MMD2: variants seen among roughly 807,000 people sequenced by gnomAD.
MMD2 encodes monocyte to macrophage differentiation associated 2.
A neutral mutation model predicts 33.5 loss-of-function variants in MMD2; 30 were observed. That is an observed-to-expected ratio of 0.90 (90% confidence interval 0.67 to 1.22). The LOEUF is 1.22. Ranked by LOEUF, MMD2 falls within the 50% of genes most tolerant of loss-of-function variation. MMD2 has a pLI of 0.00. For synonymous variants in MMD2, 129 were observed against 123.0 expected (o/e 1.05, Z -0.32); for missense variants, 364 against 325.4 (o/e 1.12, Z -0.91).
At chr7:4,925,611 T>A in intron 1 of MMD2, 79 bp from the exon 2 acceptor site, 1 of 1,057,900 alleles carries the variant, frequency 9.5e-7, no homozygotes. Context: ...CTGAAGACCT[T>A]ACTTCCTACT....
chr7:4,957,859 C>A, intron 1 of MMD2, among the ~76,000 whole-genome samples: 1 of 152,310 alleles, frequency 6.6e-6, no homozygotes, highest in Non-Finnish European at 1.5e-5. Context: ...CGCCAGCCTT[C>A]CCTACCCTGG....
At chr7:4,938,419 T>G (rs567565088) in intron 1 of MMD2, among the ~76,000 whole-genome samples, 1 of 152,066 alleles carries the variant, frequency 6.6e-6, no homozygotes, top group Non-Finnish European at 1.5e-5. Flanking sequence ...CGAGGCAGTG[T>G]GGGGCATCCC....
chr7:4,911,932 C>T (rs1785024934), intron 4 of MMD2, among the ~76,000 whole-genome samples: 1 of 151,934 alleles, frequency 6.6e-6, no homozygotes, highest in Admixed American at 6.6e-5. Flanking sequence ...CAGGCCTGAG[C>T]CACCGCGCCC....
intron 1 of MMD2, among the ~76,000 whole-genome samples, chr7:4,927,162 A>G (rs1289516500): frequency 6.6e-6 from 1 of 152,176 alleles, no homozygotes; most frequent in Non-Finnish European, 1.5e-5. Flanking sequence ...AACTCGGCCC[A>G]TGAACTTTTT....
At chr7:4,900,386 A>AGG in the MMD2 span, among the ~76,000 whole-genome samples, 1,608 of 152,262 alleles carry the variant, frequency 0.011, 20 homozygotes, top group African/African-American at 0.036. Context: ...ACTGGTAAAA[A>AGG]GGGATGGTGT....
rs758330207 is a variant in MMD2 at position 4,918,519 on chromosome 7, C to G, written c.290+1652G>C. 1.2e-4 allele frequency among the ~76,000 whole-genome samples: 18 copies of G among 144,564 alleles called. 1 individual carries two copies. The highest frequency in any genetic ancestry group is 1.2e-3 in the Admixed American group (17 of 14,250). 94.8% of individuals were successfully genotyped at this position (144,564 alleles called of 152,430 possible). On this transcript the variant is annotated intron_variant, in intron 3 of 6. Coordinates refer to ENST00000401401, the MANE Select transcript of MMD2 (RefSeq NM_198403.4). ...TTTTTTTTGAGACAGATTCTCACTC[C>G]GTTGCCTTAGCTGGAGTGCAGTGGC...
chr7:4,902,037 T>A (rs1187801411), downstream of MMD2, among the ~76,000 whole-genome samples: 1 of 152,192 alleles, frequency 6.6e-6, no homozygotes, highest in Non-Finnish European at 1.5e-5. Flanking sequence ...TTGCAACCTC[T>A]GCCTCCCAGG....
chr7:4,924,548 G>C (rs1305806088), intron 2 of MMD2, among the ~76,000 whole-genome samples: 2 of 152,216 alleles, frequency 1.3e-5, no homozygotes, highest in African/African-American at 4.8e-5. Context: ...GGAACTGTTT[G>C]CTGAATGAAT....
chr7:4,901,982 C>A (rs1228270895), downstream of MMD2, among the ~76,000 whole-genome samples: 1 of 152,082 alleles, frequency 6.6e-6, no homozygotes. Context: ...CGTGGAATCT[C>A]GCTCTGTCAC....
chr7:4,914,187 G>A (rs1295325048), intron 4 of MMD2, among the ~76,000 whole-genome samples: 1 of 152,114 alleles, frequency 6.6e-6, no homozygotes, highest in Non-Finnish European at 1.5e-5. Flanking sequence ...GGTATTCTTG[G>A]ACTTCTTTCA....
chr7:4,957,651 GA>G (rs35465709), intron 1 of MMD2, among the ~76,000 whole-genome samples: 72 of 143,652 alleles, frequency 5.0e-4, no homozygotes, highest in Middle Eastern at 3.6e-3. Flanking sequence ...CTCCATCTCA[GA>G]AAAAAAAAAA....
At chr7:4,911,638 T>G (rs1785011905) in intron 4 of MMD2, among the ~76,000 whole-genome samples, 1 of 151,390 alleles carries the variant, frequency 6.6e-6, no homozygotes, top group Admixed American at 6.6e-5. Flanking sequence ...TTTATTTATT[T>G]TATTTTATTT....
chr7:4,894,916 C>G, the MMD2 span, among the ~76,000 whole-genome samples: 1 of 152,004 alleles, frequency 6.6e-6, no homozygotes, highest in African/African-American at 2.4e-5. This position sits in a 1 kb window ranked among gnomAD's most constrained non-coding sequence, Gnocchi z 4.3. Context: ...TCTCAGCCAT[C>G]CATGGGGAAT....
downstream of MMD2, among the ~76,000 whole-genome samples, chr7:4,903,393 C>G (rs1187709070): frequency 6.6e-6 from 1 of 152,110 alleles, no homozygotes; most frequent in Non-Finnish European, 1.5e-5. Flanking sequence ...ATCTGCATCC[C>G]CCTCCCCACC....
At chr7:4,933,369 C>A (rs149945716) in intron 1 of MMD2, among the ~76,000 whole-genome samples, 1 of 152,096 alleles carries the variant, frequency 6.6e-6, no homozygotes, top group Non-Finnish European at 1.5e-5. Flanking sequence ...CAAAATAAAA[C>A]AAAATGTATT....
Position 4,907,943 on chromosome 7 carries a change from A to G in MMD2, c.538-344T>C, listed in dbSNP as rs1784905130. 2.6e-5 allele frequency among the ~76,000 whole-genome samples: 4 copies of G among 151,810 alleles called. No individual in the cohort carries two copies. In the South Asian group the frequency reaches 8.3e-4, roughly 31 times the overall value. On this transcript the variant is annotated intron_variant, in intron 6 of 6. Transcript: ENST00000401401. Reference sequence around the variant, plus strand: ...CAGCCTCCCCAGTAGCTGGGACTACAGATATCCCATGGCACAACCATGCCT... The same window carrying G: ...CAGCCTCCCCAGTAGCTGGGACTACGGATATCCCATGGCACAACCATGCCT...
intron 1 of MMD2, among the ~76,000 whole-genome samples, chr7:4,927,531 A>C (rs1230166976): frequency 6.6e-6 from 1 of 151,770 alleles, no homozygotes; most frequent in Non-Finnish European, 1.5e-5. Flanking sequence ...ACAGAGTGAG[A>C]CTCCATTTCA....
chr7:4,911,581 C>A (rs971154748), intron 4 of MMD2, among the ~76,000 whole-genome samples: 3 of 141,014 alleles, frequency 2.1e-5, no homozygotes, highest in Admixed American at 7.4e-5. Context: ...GGCAGCTAAC[C>A]AAAGCAATGC....
chr7:4,925,586 G>T, intron 1 of MMD2, 54 bp from the exon 2 acceptor site: 1 of 1,390,236 alleles, frequency 7.2e-7, no homozygotes, highest in Non-Finnish European at 9.8e-7. Context: ...GGTGCCATCC[G>T]AATTCCCAGG....
Sources: allele counts gnomAD v4.1 joint callset (sites outside exome capture counted in the v4.1 genomes callset), GRCh38; gene constraint gnomAD v4.1.1; non-coding constraint Gnocchi (gnomAD v3.1); transcripts MANE v1.5; gene names NCBI Gene and HGNC (gene_info 2026-07-23, HGNC 2026-07-21).